The following NPR3 variants were observed in gnomAD, a reference collection of about 807,000 sequenced individuals.
The protein encoded by NPR3 is atrial natriuretic peptide receptor 3.
A neutral mutation model predicts 54.5 loss-of-function variants in NPR3; 34 were observed. The ratio of observed to expected loss-of-function variants is 0.62; its 90% CI spans 0.47 to 0.83. The LOEUF (loss-of-function observed/expected upper bound fraction) is 0.83, where lower values mean the gene tolerates loss of function less well. Ranked by LOEUF, NPR3 falls within the 40% of genes least tolerant of loss-of-function variation. The pLI is 0.00. For synonymous variants in NPR3, 289 were observed against 297.1 expected, an observed-to-expected ratio of 0.97 and a Z score of 0.28; for missense variants, 674 against 720.8, an observed-to-expected ratio of 0.94 and a Z score of 0.74.
intron 1 of NPR3, among the ~76,000 whole-genome samples, chr5:32,714,889 A>G (rs1579591547): frequency 6.6e-6 from 1 of 152,112 alleles, no homozygotes; most frequent in South Asian, 2.1e-4. Flanking sequence ...GGGATCTTGG[A>G]CTGCTATGAA....
At position 32,738,847 on chromosome 5, in the gene NPR3, T is replaced by G; in HGVS notation, c.893-17T>G. 5 of 1,607,674 alleles carry G rather than the reference T, an allele frequency of 3.1e-6. No homozygotes were observed. In the African/African-American group the frequency reaches 6.7e-5, roughly 22 times the overall value. ...GTGGCTGGCTTGGAATTATAAATAT[T>G]TTTATTTCTTCCATAGGAGATGGCT... On this transcript the variant is annotated splice_polypyrimidine_tract_variant and intron_variant, in intron 2 of 7. Coordinates refer to ENST00000265074, the MANE Select transcript of NPR3 (RefSeq NM_001204375.2).
chr5:32,777,770 T>C (rs1156345432), intron 4 of NPR3, among the ~76,000 whole-genome samples: 1 of 152,072 alleles, frequency 6.6e-6, no homozygotes, highest in African/African-American at 2.4e-5. Context: ...AGACAGATTG[T>C]AGTTCATGGG....
At chr5:32,734,694 A>C (rs922776767) in intron 2 of NPR3, among the ~76,000 whole-genome samples, 1 of 152,220 alleles carries the variant, frequency 6.6e-6, no homozygotes, top group South Asian at 2.1e-4. Context: ...AATGATGGCT[A>C]TGTTCTAGTC....
chr5:32,784,709 C>T (rs1234871818), intron 6 of NPR3, 87 bp from the exon 7 acceptor site: 7 of 1,028,212 alleles, frequency 6.8e-6, no homozygotes, highest in Non-Finnish European at 9.0e-6. Context: ...AATGGGAAAT[C>T]GAGGAACTTC....
At chr5:32,692,806 C>T (rs1037828727) in intron 1 of NPR3, among the ~76,000 whole-genome samples, 3 of 152,144 alleles carry the variant, frequency 2.0e-5, no homozygotes, top group Non-Finnish European at 4.4e-5. Flanking sequence ...GCATTTTTCT[C>T]ATTAGCAAGG....
chr5:32,706,939 T>A (rs1450161183), upstream of NPR3, among the ~76,000 whole-genome samples: 1 of 152,200 alleles, frequency 6.6e-6, no homozygotes, highest in East Asian at 1.9e-4. Context: ...ATATTTTAAA[T>A]TTTTATCTTT....
chr5:32,712,763 G>T (rs1406110380), intron 1 of NPR3, among the ~76,000 whole-genome samples: 11 of 152,246 alleles, frequency 7.2e-5, no homozygotes, highest in African/African-American at 2.4e-4. Flanking sequence ...GAAGGGGTTG[G>T]AGGAGAGGGC....
Position 32,712,078 on chromosome 5 carries a change from T to C in NPR3, c.302T>C (p.Val101Ala). The C allele has an allele frequency of 1.2e-6, 2 of 1,613,842 alleles. No homozygotes were observed. The highest frequency in any genetic ancestry group is 1.7e-6 in the Non-Finnish European group (2 of 1,179,804). Residue 101 changes from valine to alanine, a missense_variant, in exon 1 of 8, where the codon GTG becomes GCG. By Grantham distance (64) the Val-to-Ala change is moderately conservative. Transcript: ENST00000265074. ...CTGCCGCCGGGCACTCGCTTCCAGG[T>C]GGCTTACGAGGATTCAGACTGTGGG... Reference protein sequence around the residue: ...RLLPPGTRFQVAYEDSDCGNR... With the variant: ...RLLPPGTRFQAAYEDSDCGNR...
At position 32,711,876 on chromosome 5, in the gene NPR3, G is replaced by C; in HGVS notation, c.100G>C (p.Gly34Arg). The C allele has an allele frequency of 4.8e-6, 7 of 1,464,850 alleles. No homozygotes were observed. Among genetic ancestry groups the C allele is most frequent in the Non-Finnish European group, 5.4e-6 (6 of 1,110,800 alleles). 90.7% of individuals were successfully genotyped at this position (1,464,850 alleles called of 1,614,324 possible). A position where few individuals can be genotyped will look rare whatever the true frequency, so the allele number is the denominator to read the frequency against. ...TGGGGVGGGG[G>R]GAGIGGGRQE... is the part of the protein sequence containing the mutation. ...TGGCGGTGGCGTTGGCGGCGGCGGCGGTGGCGCGGGCATAGGCGGCGGACG... is the reference window on the plus strand; with the variant it reads ...TGGCGGTGGCGTTGGCGGCGGCGGCCGTGGCGCGGGCATAGGCGGCGGACG... Residue 34 changes from glycine (G) to arginine (R), a missense_variant, in exon 1 of 8, where the codon GGT (glycine) becomes CGT (arginine). Gly to Arg is a moderately radical substitution (Grantham distance 125, BLOSUM62 -2). Transcript: ENST00000265074.
intron 2 of NPR3, among the ~76,000 whole-genome samples, chr5:32,725,311 G>A (rs982051405): frequency 4.6e-5 from 7 of 152,202 alleles, no homozygotes; most frequent in Non-Finnish European, 1.0e-4. Flanking sequence ...AGAAATTTGA[G>A]TTATGTCCAT....
At chr5:32,761,804 T>TC (rs1209131418) in intron 3 of NPR3, among the ~76,000 whole-genome samples, 17 of 152,044 alleles carry the variant, frequency 1.1e-4, no homozygotes, top group Non-Finnish European at 2.2e-4. Context: ...ATTTTTTTTT[T>TC]CATTATACTT....
chr5:32,753,209 A>C (rs1356208473), intron 3 of NPR3, among the ~76,000 whole-genome samples: 1 of 152,194 alleles, frequency 6.6e-6, no homozygotes, highest in Non-Finnish European at 1.5e-5. Flanking sequence ...AATGTAATTA[A>C]TTTCAGTTAG....
intron 2 of NPR3, among the ~76,000 whole-genome samples, chr5:32,729,140 C>T (rs533726190): frequency 2.0e-5 from 3 of 147,616 alleles, no homozygotes; most frequent in Admixed American, 1.4e-4. Flanking sequence ...CGCCATTCTC[C>T]TGCCTCAGCC....
At chr5:32,728,694 A>G (rs1263349999) in intron 2 of NPR3, among the ~76,000 whole-genome samples, 1 of 151,428 alleles carries the variant, frequency 6.6e-6, no homozygotes, top group East Asian at 1.9e-4. Flanking sequence ...AGACCCTTCT[A>G]TAATGAAATA....
At chr5:32,722,226 T>C (rs1385651825) in intron 1 of NPR3, among the ~76,000 whole-genome samples, 1 of 152,146 alleles carries the variant, frequency 6.6e-6, no homozygotes, top group African/African-American at 2.4e-5. Flanking sequence ...CCTTGGACCC[T>C]GGCTGTTTGG....
chr5:32,696,505 T>A (rs1410665186), intron 1 of NPR3, among the ~76,000 whole-genome samples: 2 of 152,088 alleles, frequency 1.3e-5, no homozygotes, highest in African/African-American at 2.4e-5. Context: ...TGGTTCCATA[T>A]AAACTTTAGA....
At chr5:32,750,846 A>G (rs1712485360) in intron 3 of NPR3, among the ~76,000 whole-genome samples, 3 of 152,176 alleles carry the variant, frequency 2.0e-5, no homozygotes, top group Admixed American at 1.3e-4. Flanking sequence ...TGGTTCTTTA[A>G]AAGCAACTAC....
At chr5:32,771,884 CTG>C (rs1056723900) in intron 3 of NPR3, among the ~76,000 whole-genome samples, 4 of 151,992 alleles carry the variant, frequency 2.6e-5, no homozygotes, top group Middle Eastern at 3.2e-3. Context: ...GGCCATGACT[CTG>C]TGATTCTCTG....
At chr5:32,777,647 A>C (rs1742127217) in intron 4 of NPR3, among the ~76,000 whole-genome samples, 2 of 152,136 alleles carry the variant, frequency 1.3e-5, no homozygotes, top group African/African-American at 4.8e-5. Flanking sequence ...GGAGAGGTTG[A>C]GCTCCAGCTA....
Sources: gnomAD v4.1 joint callset for allele counts (sites outside exome capture counted in the v4.1 genomes callset) on GRCh38, gnomAD v4.1.1 for gene constraint, MANE v1.5 for transcripts, NCBI Gene and HGNC (gene_info 2026-07-23, HGNC 2026-07-21) for gene names.